VMP1: variants seen among roughly 807,000 people sequenced by gnomAD.
VMP1 encodes the protein vacuole membrane protein 1.
A neutral mutation model predicts 56.0 loss-of-function variants in VMP1; 11 were observed. That is an observed-to-expected ratio of 0.20 (90% confidence interval 0.12 to 0.32). The LOEUF is 0.32. VMP1 is among the 10% of genes least tolerant of loss of function. The pLI is 1.00. For synonymous variants in VMP1, 149 were observed against 165.0 expected (o/e 0.90, Z 0.74); for missense variants, 296 against 490.3 (o/e 0.60, Z 3.74).
chr17:59,806,077 A>G (rs1048245664), intron 7 of VMP1, among the ~76,000 whole-genome samples: 1 of 152,190 alleles, frequency 6.6e-6, no homozygotes, highest in African/African-American at 2.4e-5. Context: ...GATACTTTAG[A>G]CAATTAAAAC....
At chr17:59,721,075 G>A (rs1188348006) in intron 1 of VMP1, among the ~76,000 whole-genome samples, 1 of 152,062 alleles carries the variant, frequency 6.6e-6, no homozygotes, top group Non-Finnish European at 1.5e-5. Flanking sequence ...GCCGGGCGCG[G>A]TGGCTCACAC....
intron 7 of VMP1, among the ~76,000 whole-genome samples, chr17:59,774,673 C>A (rs913367888): frequency 6.6e-6 from 1 of 150,496 alleles, no homozygotes; most frequent in Non-Finnish European, 1.5e-5. Context: ...TCTTCCTTTT[C>A]TTTGTTTTGT....
In VMP1 at chr17:59,834,586, A is replaced by G. The variant is rs552642379; in HGVS notation, c.975-3709A>G. ...GCGATTGTCCCATCTCAGCCTCCCA[A>G]GTAGCTGAGATTACAGACACCTGCC... On this transcript the variant is annotated intron_variant, in intron 10 of 11. Coordinates refer to ENST00000262291, the MANE Select transcript of VMP1 (RefSeq NM_030938.5). Among the ~76,000 whole-genome samples, 105 of 147,642 alleles carry G rather than the reference A, an allele frequency of 7.1e-4. 1 individual carries two copies. The South Asian group carries it at 0.022, about 31-fold the overall frequency.
intron 7 of VMP1, among the ~76,000 whole-genome samples, chr17:59,800,463 A>G (rs2037598618): frequency 6.6e-6 from 1 of 152,242 alleles, no homozygotes; most frequent in Non-Finnish European, 1.5e-5. Context: ...AGCTTCACAA[A>G]TAGACTATAT....
chr17:59,833,649 T>C (rs2038887235), intron 10 of VMP1, among the ~76,000 whole-genome samples: 2 of 152,380 alleles, frequency 1.3e-5, no homozygotes, highest in Middle Eastern at 6.8e-3. Flanking sequence ...TTATACATCA[T>C]GTGAATACAC....
chr17:59,821,537 T>C (rs2038449692), intron 10 of VMP1, among the ~76,000 whole-genome samples: 1 of 114,098 alleles, frequency 8.8e-6, no homozygotes, highest in African/African-American at 3.3e-5. Context: ...TCAGCTACTT[T>C]TCTTTTTTTT....
In VMP1 at chr17:59,831,452, G is replaced by C. The variant is rs147265135; in HGVS notation, c.975-6843G>C. ...CCCAAAGTGCTGGGATTACAAGCAT[G>C]ACCCATCACACCCAGCCTAAAATAC... On this transcript the variant is annotated intron_variant, in intron 10 of 11. Transcript: ENST00000262291. Among the ~76,000 whole-genome samples the C allele has an allele frequency of 7.6e-3, 1,152 of 152,154 alleles. 6 individuals are homozygous for C. Among genetic ancestry groups the C allele is most frequent in the South Asian group, 0.021 (103 of 4,820 alleles).
chr17:59,818,332 A>C (rs935905628), intron 10 of VMP1, among the ~76,000 whole-genome samples: 3 of 152,086 alleles, frequency 2.0e-5, no homozygotes, highest in African/African-American at 7.2e-5. Flanking sequence ...ATGCCATTGC[A>C]CTCCAGCCTG....
intron 5 of VMP1, among the ~76,000 whole-genome samples, chr17:59,756,943 T>C (rs1276972055): frequency 6.6e-6 from 1 of 152,158 alleles, no homozygotes; most frequent in African/African-American, 2.4e-5. Context: ...CTACAAAGTG[T>C]GTGAAGAAGG....
intron 6 of VMP1, among the ~76,000 whole-genome samples, chr17:59,769,880 A>T (rs2036364156): frequency 6.6e-6 from 1 of 152,196 alleles, no homozygotes; most frequent in Non-Finnish European, 1.5e-5. Flanking sequence ...AGAGAATCAT[A>T]AAATTGTAAG....
At chr17:59,824,180 G>A (rs979027791) in intron 10 of VMP1, among the ~76,000 whole-genome samples, 2 of 151,672 alleles carry the variant, frequency 1.3e-5, no homozygotes, top group Admixed American at 1.3e-4. Context: ...GAACCCAGGA[G>A]GCAGAGCTTG....
intron 7 of VMP1, among the ~76,000 whole-genome samples, chr17:59,779,939 A>G (rs1470057466): frequency 6.6e-6 from 1 of 152,144 alleles, no homozygotes; most frequent in African/African-American, 2.4e-5. Flanking sequence ...AGAATTCTTT[A>G]TTTTATCCAT....
intron 7 of VMP1, among the ~76,000 whole-genome samples, chr17:59,776,902 C>T (rs1387944476): frequency 6.6e-6 from 1 of 152,136 alleles, no homozygotes; most frequent in Non-Finnish European, 1.5e-5. Flanking sequence ...AACTAATGTA[C>T]TATGATTATT....
At chr17:59,728,518 A>G (rs1340255262) in intron 1 of VMP1, among the ~76,000 whole-genome samples, 2 of 152,184 alleles carry the variant, frequency 1.3e-5, no homozygotes, top group Non-Finnish European at 2.9e-5. Context: ...GGCCATGAGA[A>G]TACTCCTAAT....
chr17:59,838,503 C>T, intron 11 of VMP1, 106 bp downstream of exon 11: 1 of 1,167,660 alleles, frequency 8.6e-7, no homozygotes, highest in South Asian at 1.3e-5. Context: ...GTTGGTTTGC[C>T]AGTGTTCCTT....
At chr17:59,777,234 G>T (rs1224521267) in intron 7 of VMP1, among the ~76,000 whole-genome samples, 2 of 152,010 alleles carry the variant, frequency 1.3e-5, no homozygotes, top group Non-Finnish European at 2.9e-5. Context: ...AACATATTCT[G>T]CTGTAGCTTT....
At chr17:59,821,343 C>T (rs1045153593) in intron 10 of VMP1, among the ~76,000 whole-genome samples, 6 of 151,974 alleles carry the variant, frequency 3.9e-5, no homozygotes, top group Non-Finnish European at 8.8e-5. Context: ...TTCCAGTGAT[C>T]CTTTACTCTT....
chr17:59,750,926 C>CTTTTTT (rs35948198), intron 5 of VMP1, among the ~76,000 whole-genome samples: 4 of 91,034 alleles, frequency 4.4e-5, no homozygotes, highest in African/African-American at 9.8e-5. Context: ...AAGATAGCAC[C>CTTTTTT]TTTTTTTTTT....
At chr17:59,743,670 A>G (rs1353537354) in intron 5 of VMP1, among the ~76,000 whole-genome samples, 1 of 151,114 alleles carries the variant, frequency 6.6e-6, no homozygotes, top group African/African-American at 2.4e-5. Context: ...AGTATAATAT[A>G]TACTCTATTG....
Sources: gnomAD v4.1 joint callset for allele counts (sites outside exome capture counted in the v4.1 genomes callset) on GRCh38, gnomAD v4.1.1 for gene constraint, MANE v1.5 for transcripts, NCBI Gene and HGNC (gene_info 2026-07-23, HGNC 2026-07-21) for gene names.